Variants in SPRED1 observed in about 807,000 individuals in gnomAD.
SPRED1 encodes sprouty related EVH1 domain containing 1, also known as sprouty-related, EVH1 domain-containing protein 1.
Under a neutral mutation model 52.3 loss-of-function variants are expected in SPRED1, and 18 were observed. The ratio of observed to expected loss-of-function variants is 0.34; its 90% CI spans 0.24 to 0.51. The LOEUF is 0.51. SPRED1 is among the 20% of genes least tolerant of loss of function. The probability of loss-of-function intolerance (pLI) is 0.97; values close to 1 mark genes in which losing one functional copy is unlikely to be tolerated. For missense variants in SPRED1, 485 were observed against 551.0 expected (o/e 0.88, Z 1.20); for synonymous variants, 155 against 179.7 (o/e 0.86, Z 1.10).
At position 38,322,544 on chromosome 15, in the gene SPRED1, A is replaced by C. The variant is rs1032151332; in HGVS notation, c.376+135A>C. On this transcript the variant is annotated intron_variant, in intron 3 of 6. Transcript: ENST00000299084. ...TTGTGATATGTGACCAGGCTTTGAA[A>C]CCTCACAATAGATGAAGATAAAATA... 77 of 773,208 alleles carry C rather than the reference A, an allele frequency of 1.0e-4. 2 individuals are homozygous for C. The highest frequency in any genetic ancestry group is 7.1e-4 in the South Asian group (43 of 60,944). The allele number at this position is 773,208 out of a possible 1,614,324, so 47.9% of individuals were successfully genotyped here.
chr15:38,286,072 T>C (rs1894800956), intron 1 of SPRED1, among the ~76,000 whole-genome samples: 1 of 151,942 alleles, frequency 6.6e-6, no homozygotes, highest in Admixed American at 6.6e-5. Flanking sequence ...AGTGAGGCCC[T>C]GTCTCTACAG....
intron 4 of SPRED1, among the ~76,000 whole-genome samples, chr15:38,334,531 T>A (rs1244598382): frequency 6.6e-6 from 1 of 152,062 alleles, no homozygotes; most frequent in Non-Finnish European, 1.5e-5. Flanking sequence ...ATATTGATAG[T>A]TTCTGGTATT....
Position 38,310,153 on chromosome 15 carries a change from G to GTGTGTGTGTGTGTGTGTGTGTGTGTGTT in SPRED1, c.207+10607_207+10608insGTGTGTGTGTGTGTGTGTGTGTGTGTTT, listed in dbSNP as rs373463622. Among the ~76,000 whole-genome samples the GTGTGTGTGTGTGTGTGTGTGTGTGTGTT allele has an allele frequency of 3.0e-3, 395 of 132,250 alleles. 10 individuals carry two copies. Among genetic ancestry groups the GTGTGTGTGTGTGTGTGTGTGTGTGTGTT allele is most frequent in the South Asian group, 6.5e-3 (25 of 3,844 alleles). 86.8% of individuals were successfully genotyped at this position (132,250 alleles called of 152,430 possible). A position where few individuals can be genotyped will look rare whatever the true frequency, so the allele number is the denominator to read the frequency against. On this transcript the variant is annotated intron_variant, in intron 2 of 6. Coordinates refer to ENST00000299084, the MANE Select transcript of SPRED1 (RefSeq NM_152594.3). ...TGTGTGTGTGTGTGTGTGTGTGTGT[G>GTGTGTGTGTGTGTGTGTGTGTGTGTGTT]TTTGGAGACGAAGTTTCGCTCTTGT...
intron 5 of SPRED1, among the ~76,000 whole-genome samples, chr15:38,347,685 T>C (rs1896170772): frequency 6.6e-6 from 1 of 152,016 alleles, no homozygotes; most frequent in Admixed American, 6.6e-5. Flanking sequence ...GTATTTTCTT[T>C]GTGAAAAGAT....
rs376944837 is a variant in SPRED1 at position 38,339,778 on chromosome 15, C to A, written c.465C>A (p.His155Gln). 1.2e-6 allele frequency: 2 copies of A among 1,613,784 alleles called. No homozygotes were observed. The highest frequency in any genetic ancestry group is 1.3e-5 in the African/African-American group (1 of 74,892). Residue 155 changes from histidine to glutamine, a missense_variant, in exon 5 of 7, where the codon CAC becomes CAA. By Grantham distance (24) the His-to-Gln change is conservative (BLOSUM62 0). Around this residue, in one of 5 missense-constraint regions of SPRED1, gnomAD observed 232 missense variants for 231.8 expected, o/e 1.00. Transcript: ENST00000299084. ...CTTCCAGTTCTCTAGTGAAGGATCA[C>A]CTTTTTCAGCAAGAGACAGTTGTTA... is the stretch of plus-strand genomic sequence containing the variant. Reference protein sequence around the residue: ...EDSSSSLVKDHLFQQETVVTS... With the variant: ...EDSSSSLVKDQLFQQETVVTS...
intron 1 of SPRED1, among the ~76,000 whole-genome samples, chr15:38,281,559 A>ATTTTTTT (rs542005244): frequency 6.3e-4 from 63 of 100,720 alleles, no homozygotes; most frequent in Admixed American, 1.0e-3. Flanking sequence ...TGCCCATCTA[A>ATTTTTTT]TTTTTTTTTT....
chr15:38,338,374 G>A (rs1895965066), intron 4 of SPRED1, among the ~76,000 whole-genome samples: 2 of 142,984 alleles, frequency 1.4e-5, no homozygotes, highest in South Asian at 4.5e-4. Flanking sequence ...TTTATTTTCA[G>A]AAATCTCTGG....
chr15:38,288,479 GAA>G (rs998556047), intron 1 of SPRED1, among the ~76,000 whole-genome samples: 1 of 152,180 alleles, frequency 6.6e-6, no homozygotes, highest in African/African-American at 2.4e-5. Flanking sequence ...ACCAGAAAAA[GAA>G]ATAGTGGAGA....
At chr15:38,282,805 A>G (rs1156456497) in intron 1 of SPRED1, among the ~76,000 whole-genome samples, 2 of 151,832 alleles carry the variant, frequency 1.3e-5, no homozygotes, top group Non-Finnish European at 2.9e-5. Flanking sequence ...TTATTTCTTC[A>G]TTGTCTGTTT....
chr15:38,289,735 G>A (rs188659315), intron 1 of SPRED1, among the ~76,000 whole-genome samples: 1 of 152,288 alleles, frequency 6.6e-6, no homozygotes, highest in Admixed American at 6.5e-5. Flanking sequence ...CAAGGAATGT[G>A]GATGGGCTCT....
chr15:38,305,103 T>G (rs1595736594), intron 2 of SPRED1, among the ~76,000 whole-genome samples: 2 of 151,926 alleles, frequency 1.3e-5, no homozygotes, highest in East Asian at 1.9e-4. Context: ...CCAAGGCGGG[T>G]GGATTGCCTG....
At chr15:38,265,932 A>G (rs1404012013) in intron 1 of SPRED1, among the ~76,000 whole-genome samples, 4 of 152,206 alleles carry the variant, frequency 2.6e-5, no homozygotes, top group Admixed American at 2.0e-4. Flanking sequence ...TAAGATTCCT[A>G]TTAGATGGAC....
chr15:38,268,633 A>C (rs1894362483), intron 1 of SPRED1, among the ~76,000 whole-genome samples: 1 of 152,228 alleles, frequency 6.6e-6, no homozygotes, highest in South Asian at 2.1e-4. Context: ...ATGATAAATC[A>C]TCATACAGGA....
rs8028980 is a variant in SPRED1, at chr15:38,287,051, A to G, written c.33-12322A>G. On this transcript the variant is annotated intron_variant, in intron 1 of 6. Transcript: ENST00000299084. The stretch of plus-strand genomic sequence containing the variant: ...ATTTGTTTCCCATCACACATGTCTT[A>G]TGTAATAATGCAGCTGTTACCATGT... 4.6e-5 allele frequency among the ~76,000 whole-genome samples: 7 copies of G among 152,170 alleles called. No individual in the cohort carries two copies. In the South Asian group the frequency reaches 1.2e-3, roughly 27 times the overall value.
chr15:38,290,856 G>A (rs931666272), intron 1 of SPRED1, among the ~76,000 whole-genome samples: 1 of 152,048 alleles, frequency 6.6e-6, no homozygotes, highest in African/African-American at 2.4e-5. Context: ...TTGAGATTTG[G>A]GTGGGGACAC....
intron 1 of SPRED1, among the ~76,000 whole-genome samples, chr15:38,294,595 T>C (rs1894994792): frequency 6.6e-6 from 1 of 152,112 alleles, no homozygotes; most frequent in Non-Finnish European, 1.5e-5. Context: ...ATTTCTTGGG[T>C]ATGTATTATA....
chr15:38,270,534 A>C (rs76269494), intron 1 of SPRED1, among the ~76,000 whole-genome samples: 6,363 of 152,242 alleles, frequency 0.042, 449 homozygotes, highest in African/African-American at 0.15. Context: ...GGAAACTTAC[A>C]ATCATGGTGG....
intron 1 of SPRED1, among the ~76,000 whole-genome samples, chr15:38,275,308 T>G (rs1451359269): frequency 6.6e-6 from 1 of 152,216 alleles, no homozygotes; most frequent in East Asian, 1.9e-4. Flanking sequence ...GACATATCCC[T>G]TCATTTTTTC....
intron 5 of SPRED1, 127 bp downstream of exon 5, chr15:38,340,022 C>A: frequency 2.6e-6 from 3 of 1,174,096 alleles, no homozygotes; most frequent in Non-Finnish European, 3.7e-6. Flanking sequence ...AAAAACCCCA[C>A]AAACAAAACC....
Sources: allele counts gnomAD v4.1 joint callset (sites outside exome capture counted in the v4.1 genomes callset), GRCh38; gene constraint gnomAD v4.1.1; regional missense constraint gnomAD v4.1.1; transcripts MANE v1.5; gene names NCBI Gene and HGNC (gene_info 2026-07-23, HGNC 2026-07-21).